Variants in MAP4K3 observed in about 807,000 individuals in gnomAD.
MAP4K3 encodes the protein mitogen-activated protein kinase kinase kinase kinase 3.
Under a neutral mutation model 143.5 loss-of-function variants are expected in MAP4K3, and 94 were observed. That is an observed-to-expected ratio of 0.65 (90% CI 0.55 to 0.78). MAP4K3 has a LOEUF of 0.78. Ranked by LOEUF, MAP4K3 falls within the 30% of genes least tolerant of loss-of-function variation. The pLI is 0.00. For synonymous variants in MAP4K3, 416 were observed against 347.2 expected (o/e 1.20, Z -2.20); for missense variants, 1,077 against 1,068.1 (o/e 1.01, Z -0.12).
In MAP4K3 at chr2:39,308,039, T is replaced by G. The variant is rs998415185; in HGVS notation, c.1057-34A>C. The G allele has an allele frequency of 2.7e-6, 4 of 1,504,244 alleles. No homozygotes were observed. The African/African-American group carries it at 5.6e-5, about 21-fold the overall frequency. The allele number at this position is 1,504,244 out of a possible 1,614,324, so 93.2% of individuals were successfully genotyped here. A position where few individuals can be genotyped will look rare whatever the true frequency, so the allele number is the denominator to read the frequency against. ...CAGAGACCAAGAAACCCAAGTTATT[T>G]ACGCTTAGACTAAAAGCCACAAATT... is the stretch of plus-strand genomic sequence containing the variant. On this transcript the variant is annotated intron_variant, in intron 14 of 33. Transcript: ENST00000263881.
intron 1 of MAP4K3, among the ~76,000 whole-genome samples, chr2:39,400,634 ATTT>A (rs1666929885): frequency 6.6e-6 from 1 of 150,950 alleles, no homozygotes; most frequent in South Asian, 2.1e-4. Flanking sequence ...TAATCATTTT[ATTT>A]TTTATTTTTT....
At chr2:39,384,323 A>G (rs959610735) in intron 1 of MAP4K3, among the ~76,000 whole-genome samples, 6 of 152,124 alleles carry the variant, frequency 3.9e-5, no homozygotes, top group Admixed American at 3.3e-4. Context: ...AGGTAGGCGG[A>G]TCACCTGAGG....
At chr2:39,371,252 T>C (rs956140986) in intron 2 of MAP4K3, among the ~76,000 whole-genome samples, 2 of 152,188 alleles carry the variant, frequency 1.3e-5, no homozygotes, top group South Asian at 2.1e-4. Flanking sequence ...GGTGTTTTGA[T>C]AGGCTTAGAG....
intron 27 of MAP4K3, among the ~76,000 whole-genome samples, chr2:39,265,768 T>A (rs1490481075): frequency 6.6e-6 from 1 of 152,072 alleles, no homozygotes; most frequent in Non-Finnish European, 1.5e-5. Context: ...TTGTCTATCT[T>A]CCCCCTTTTG....
rs142530505 is a variant in MAP4K3, at chr2:39,288,300, G to A, written c.1315-20C>T. 217 of 1,605,902 alleles carry A rather than the reference G, an allele frequency of 1.4e-4. 2 individuals are homozygous for A. The African/African-American group carries it at 2.1e-3, about 16-fold the overall frequency. On this transcript the variant is annotated intron_variant, in intron 19 of 33. Transcript: ENST00000263881. Reference sequence around the variant, plus strand: ...CTTAGGCTGAAATAATATAGAAAAAGAGACCAACAATGAAACATCAAATTA... The same window carrying A: ...CTTAGGCTGAAATAATATAGAAAAAAAGACCAACAATGAAACATCAAATTA...
intron 1 of MAP4K3, among the ~76,000 whole-genome samples, chr2:39,412,882 G>A (rs1273047624): frequency 3.3e-5 from 5 of 151,786 alleles, no homozygotes; most frequent in African/African-American, 1.2e-4. Context: ...TTCAAATCTG[G>A]CAATCAAGAG....
At chr2:39,324,079 A>G (rs1184480804) in intron 12 of MAP4K3, among the ~76,000 whole-genome samples, 1 of 152,228 alleles carries the variant, frequency 6.6e-6, no homozygotes, top group African/African-American at 2.4e-5. Flanking sequence ...GTAAAACTTA[A>G]CTTTCTTAAA....
intron 12 of MAP4K3, among the ~76,000 whole-genome samples, chr2:39,315,973 G>A (rs748738531): frequency 2.0e-5 from 3 of 151,932 alleles, no homozygotes; most frequent in Admixed American, 2.0e-4. Flanking sequence ...AATTGTAATC[G>A]ATTTAACTAA....
chr2:39,350,830 C>T lies in MAP4K3; in HGVS notation c.245+5419G>A, dbSNP rs189637740. Among the ~76,000 whole-genome samples, 113 of 152,166 alleles carry T rather than the reference C, an allele frequency of 7.4e-4. 1 individual carries two copies. Among genetic ancestry groups the T allele is most frequent in the Admixed American group, 4.5e-3 (68 of 15,278 alleles). On this transcript the variant is annotated intron_variant, in intron 3 of 33. Coordinates refer to ENST00000263881, the MANE Select transcript of MAP4K3 (RefSeq NM_003618.4). The stretch of plus-strand genomic sequence containing the variant: ...TAAGGGATAAAAGATTCATTTTTGC[C>T]CATATCTCCACAACCTTATCTACTC...
chr2:39,424,529 T>C (rs2148631632), intron 1 of MAP4K3, among the ~76,000 whole-genome samples: 1 of 151,956 alleles, frequency 6.6e-6, no homozygotes, highest in African/African-American at 2.4e-5. Flanking sequence ...GCAAAAACAG[T>C]TTTTTTAAAA....
chr2:39,352,955 G>A (rs1665501361), intron 3 of MAP4K3, among the ~76,000 whole-genome samples: 1 of 152,150 alleles, frequency 6.6e-6, no homozygotes, highest in Non-Finnish European at 1.5e-5. Flanking sequence ...ATTTTACGGG[G>A]TTTCTATCAA....
intron 1 of MAP4K3, among the ~76,000 whole-genome samples, chr2:39,405,851 G>A (rs893126075): frequency 3.9e-5 from 6 of 151,948 alleles, no homozygotes; most frequent in Non-Finnish European, 7.4e-5. Context: ...CAGCCTGGGT[G>A]ACAGAGTGAG....
chr2:39,253,306 C>T (rs1438379426), intron 32 of MAP4K3, among the ~76,000 whole-genome samples: 4 of 152,034 alleles, frequency 2.6e-5, no homozygotes, highest in Admixed American at 2.6e-4. Context: ...GCTAATTTTT[C>T]TATTTTTAGT....
chr2:39,370,308 G>GT (rs1488534103), intron 2 of MAP4K3, among the ~76,000 whole-genome samples: 1 of 152,174 alleles, frequency 6.6e-6, no homozygotes, highest in African/African-American at 2.4e-5. Flanking sequence ...CATGAATGAT[G>GT]TAACAACTAC....
intron 1 of MAP4K3, among the ~76,000 whole-genome samples, chr2:39,400,459 C>A (rs1055965869): frequency 6.6e-6 from 1 of 152,024 alleles, no homozygotes; most frequent in Non-Finnish European, 1.5e-5. Flanking sequence ...GGTGTTCTTA[C>A]CAGGTTTTTC....
At chr2:39,328,431 G>A (rs1683568637) in intron 8 of MAP4K3, among the ~76,000 whole-genome samples, 2 of 152,108 alleles carry the variant, frequency 1.3e-5, no homozygotes, top group African/African-American at 4.8e-5. Context: ...AACCTGGTAC[G>A]TTAGATAAGA....
intron 7 of MAP4K3, among the ~76,000 whole-genome samples, chr2:39,333,031 T>A (rs547476093): frequency 6.6e-6 from 1 of 152,240 alleles, no homozygotes; most frequent in South Asian, 2.1e-4. Flanking sequence ...GGTTTTGAAC[T>A]CTATTTTAAT....
intron 28 of MAP4K3, among the ~76,000 whole-genome samples, chr2:39,262,374 C>G (rs1680605423): frequency 6.6e-6 from 1 of 152,208 alleles, no homozygotes; most frequent in African/African-American, 2.4e-5. Context: ...TTCTCCAAAC[C>G]TCTTCTCTAG....
chr2:39,272,272 T>C lies in MAP4K3; in HGVS notation c.1973+11A>G, dbSNP rs746895487. 3.2e-6 allele frequency: 5 copies of C among 1,570,650 alleles called. No individual in the cohort carries two copies. On this transcript the variant is annotated intron_variant, in intron 26 of 33. Coordinates refer to ENST00000263881, the MANE Select transcript of MAP4K3 (RefSeq NM_003618.4). ...GTTAATATCATATTGCCTCTAAGGA[T>C]GTACCCTTACCTTGGCAGTATTCTG... is the stretch of plus-strand genomic sequence containing the variant.
Sources: allele counts gnomAD v4.1 joint callset (sites outside exome capture counted in the v4.1 genomes callset), GRCh38; gene constraint gnomAD v4.1.1; transcripts MANE v1.5; gene names NCBI Gene and HGNC (gene_info 2026-07-23, HGNC 2026-07-21).